THSD7B: variants seen among roughly 807,000 people sequenced by gnomAD.
THSD7B encodes the protein thrombospondin type-1 domain-containing protein 7B.
Under a neutral mutation model 213.6 loss-of-function variants are expected in THSD7B, and 138 were observed. The ratio of observed to expected loss-of-function variants is 0.65; its 90% CI spans 0.56 to 0.74. The LOEUF is 0.74. Ranked by LOEUF, THSD7B falls within the 30% of genes least tolerant of loss-of-function variation. THSD7B has a pLI of 0.00. For missense variants in THSD7B, 1,931 were observed against 1,991.5 expected (o/e 0.97, Z 0.58); for synonymous variants, 742 against 687.0 (o/e 1.08, Z -1.25).
intron 15 of THSD7B, among the ~76,000 whole-genome samples, chr2:137,456,641 C>T (rs955715816): frequency 6.6e-6 from 1 of 152,132 alleles, no homozygotes; most frequent in Non-Finnish European, 1.5e-5. Flanking sequence ...GAAGGCAGCC[C>T]AAACCGATCC....
At chr2:136,937,816 T>C (rs1684760051) in intron 2 of THSD7B, among the ~76,000 whole-genome samples, 1 of 152,166 alleles carries the variant, frequency 6.6e-6, no homozygotes, top group Non-Finnish European at 1.5e-5. Context: ...TCCTTTGCAG[T>C]TGAAGAGATT....
chr2:137,390,089 C>T (rs1022791251), intron 12 of THSD7B, among the ~76,000 whole-genome samples: 4 of 152,122 alleles, frequency 2.6e-5, no homozygotes, highest in Admixed American at 6.5e-5. Context: ...GTGAAAAAAA[C>T]GACATTGGTA....
At chr2:137,115,359 A>G (rs1688429444) in intron 5 of THSD7B, 66 bp downstream of exon 5, 30 of 1,402,202 alleles carry the variant, frequency 2.1e-5, no homozygotes, top group Non-Finnish European at 1.9e-6. Flanking sequence ...CCAACTCTCC[A>G]AGTATTCTTC....
At chr2:137,294,090 C>T (rs1288766443) in intron 12 of THSD7B, among the ~76,000 whole-genome samples, 1 of 152,088 alleles carries the variant, frequency 6.6e-6, no homozygotes, top group Non-Finnish European at 1.5e-5. Context: ...GTTCTCTGCT[C>T]CCATGGCATC....
intron 7 of THSD7B, among the ~76,000 whole-genome samples, chr2:137,227,529 A>G (rs199902349): frequency 1.3e-5 from 2 of 152,262 alleles, no homozygotes; most frequent in East Asian, 3.9e-4. Flanking sequence ...TGAGATTTCC[A>G]TGGTCTCATT....
At chr2:137,032,663 G>A (rs964963378) in intron 2 of THSD7B, among the ~76,000 whole-genome samples, 17 of 152,138 alleles carry the variant, frequency 1.1e-4, no homozygotes, top group Admixed American at 1.1e-3. Context: ...TCCTGATAAT[G>A]ATAAACCTGA....
intron 15 of THSD7B, among the ~76,000 whole-genome samples, chr2:137,482,511 T>C (rs1328444027): frequency 6.6e-5 from 10 of 152,196 alleles, no homozygotes; most frequent in Admixed American, 6.5e-4. Context: ...TATTTAATCA[T>C]TGAAGCCCCT....
intron 27 of THSD7B, among the ~76,000 whole-genome samples, chr2:137,671,244 TTTTA>T (rs1383688780): frequency 1.5e-4 from 6 of 39,746 alleles, no homozygotes; most frequent in Admixed American, 3.6e-4. Flanking sequence ...GCTTTTTTTT[TTTTA>T]AAAAAAAAAA....
At chr2:136,873,170 T>G (rs144893507) in intron 1 of THSD7B, among the ~76,000 whole-genome samples, 142 of 152,248 alleles carry the variant, frequency 9.3e-4, no homozygotes, top group African/African-American at 3.4e-3. Context: ...CAAAAGTTTG[T>G]TAAGAGGTAG....
chr2:137,144,870 A>T (rs186243722), intron 5 of THSD7B, among the ~76,000 whole-genome samples: 4 of 152,236 alleles, frequency 2.6e-5, no homozygotes, highest in Admixed American at 6.5e-5. Flanking sequence ...AATAAAAATG[A>T]ATGAACTAAG....
intron 17 of THSD7B, among the ~76,000 whole-genome samples, chr2:137,593,789 A>G (rs1042807561): frequency 5.3e-5 from 8 of 151,992 alleles, no homozygotes; most frequent in Non-Finnish European, 1.2e-4. Flanking sequence ...TTGATGCCAA[A>G]TTTATCGTTT....
Position 137,620,710 on chromosome 2 carries a change from G to C in THSD7B, c.3783G>C (p.Gln1261His). ...SGWTAWTECS[Q>H]TCGHGGRMSR... is the part of the protein sequence containing the mutation. ...GGACGGCTTGGACAGAGTGTTCACA[G>C]ACCTGTGGCCATGGAGGTATTGGTT... Residue 1261 changes from glutamine to histidine, a missense_variant, in exon 20 of 28, where the codon CAG becomes CAC. Transcript: ENST00000409968. 1 of 1,613,644 alleles carries C rather than the reference G, an allele frequency of 6.2e-7. No individual in the cohort carries two copies. The highest frequency in any genetic ancestry group is 8.5e-7 in the Non-Finnish European group (1 of 1,179,610).
chr2:137,231,321 G>A, intron 8 of THSD7B, 86 bp downstream of exon 8: 1 of 1,275,214 alleles, frequency 7.8e-7, no homozygotes, highest in Non-Finnish European at 1.1e-6. Context: ...AGTTTATATG[G>A]AGGAAATAGT....
In THSD7B at chr2:136,940,808, G is replaced by C. The variant is rs560708556; in HGVS notation, c.139+58491G>C. ...ACTATTAACTATTTTGTTAAGGGTA[G>C]TTTTTTTGTAGGTGTTCTTTATCAA... is the stretch of plus-strand genomic sequence containing the variant. On this transcript the variant is annotated intron_variant, in intron 2 of 27. Transcript: ENST00000409968. Among the ~76,000 whole-genome samples the C allele has an allele frequency of 2.9e-4, 42 of 145,634 alleles. No homozygotes were observed. In the South Asian group the frequency reaches 8.9e-3, roughly 31 times the overall value.
chr2:137,279,404 A>G (rs1240804690), intron 12 of THSD7B, among the ~76,000 whole-genome samples: 1 of 151,922 alleles, frequency 6.6e-6, no homozygotes, highest in Non-Finnish European at 1.5e-5. Flanking sequence ...AGAGCCAGAC[A>G]TGGTAATGCA....
chr2:137,637,873 A>G (rs984596515), intron 20 of THSD7B, among the ~76,000 whole-genome samples: 1 of 152,230 alleles, frequency 6.6e-6, no homozygotes, highest in East Asian at 1.9e-4. Flanking sequence ...CCTTACAAAT[A>G]TGGATGGAAC....
intron 2 of THSD7B, among the ~76,000 whole-genome samples, chr2:136,998,909 G>GACAC (rs57138045): frequency 0.079 from 10,209 of 129,644 alleles, 490 homozygotes; most frequent in Non-Finnish European, 0.11. Flanking sequence ...ATACCCAACA[G>GACAC]ACACACACAC....
chr2:136,846,597 CCTTA>C (rs1163829223), intron 1 of THSD7B, among the ~76,000 whole-genome samples: 5 of 152,130 alleles, frequency 3.3e-5, no homozygotes, highest in African/African-American at 2.4e-5. Context: ...TCCATTTTAA[CCTTA>C]CTTAGTAATT....
intron 15 of THSD7B, among the ~76,000 whole-genome samples, chr2:137,471,102 A>G (rs1688086061): frequency 6.6e-6 from 1 of 151,554 alleles, no homozygotes. Flanking sequence ...TATATTTTTA[A>G]TAGAGGCAGG....
Sources: gnomAD v4.1 joint callset for allele counts (sites outside exome capture counted in the v4.1 genomes callset) on GRCh38, gnomAD v4.1.1 for gene constraint, MANE v1.5 for transcripts, NCBI Gene and HGNC (gene_info 2026-07-23, HGNC 2026-07-21) for gene names.